MMS22L: variants seen among roughly 807,000 people sequenced by gnomAD.
The protein encoded by MMS22L is protein MMS22-like.
Under a neutral mutation model 159.1 loss-of-function variants are expected in MMS22L, and 74 were observed. The ratio of observed to expected loss-of-function variants is 0.47; its 90% CI spans 0.39 to 0.56. The LOEUF is 0.56. Among genes scored for constraint, MMS22L ranks in the 20% least tolerant of loss-of-function variants. The probability of loss-of-function intolerance (pLI) is 0.00; values close to 1 mark genes in which losing one functional copy is unlikely to be tolerated. For missense variants in MMS22L, 1,351 were observed against 1,422.1 expected (o/e 0.95, Z 0.80); for synonymous variants, 517 against 506.9 (o/e 1.02, Z -0.27).
intron 14 of MMS22L, among the ~76,000 whole-genome samples, chr6:97,224,741 T>C (rs1810040277): frequency 6.6e-6 from 1 of 151,974 alleles, no homozygotes. Flanking sequence ...TAATTTTTTT[T>C]TTTTTAATGT....
At chr6:97,215,190 AT>A (rs1345112442) in intron 14 of MMS22L, among the ~76,000 whole-genome samples, 3 of 150,268 alleles carry the variant, frequency 2.0e-5, no homozygotes, top group Admixed American at 6.7e-5. Flanking sequence ...AACAAGGAGG[AT>A]TTTTTCTTTA....
At chr6:97,149,307 A>G (rs1470505630) in intron 24 of MMS22L, among the ~76,000 whole-genome samples, 9 of 152,208 alleles carry the variant, frequency 5.9e-5, no homozygotes, top group Non-Finnish European at 1.3e-4. Context: ...ATATAGGCTT[A>G]TTCCCACAAT....
rs779883216 is a variant in MMS22L, at chr6:97,165,455, G to C, written c.3012C>G (p.Gly1004=). 1 of 1,610,944 alleles carries C rather than the reference G, an allele frequency of 6.2e-7. No individual in the cohort carries two copies. Among genetic ancestry groups the C allele is most frequent in the Admixed American group, 1.7e-5 (1 of 59,764 alleles). ...IQKSLPLYLQ[G]MCIVCCQSQN... ...GAGATTGACAACACACGATACACAT[G>C]CCCTACAAGGAAAAAAAGTAAGAAA... Residue 1004 remains glycine, a splice_region_variant and synonymous_variant, in exon 21 of 25, where the codon GGC becomes GGG. Transcript: ENST00000683635.
chr6:97,231,461 G>A lies in MMS22L; in HGVS notation c.1494C>T (p.Ser498=), dbSNP rs1582715566. 1 of 1,613,458 alleles carries A rather than the reference G, an allele frequency of 6.2e-7. No homozygotes were observed. The highest frequency in any genetic ancestry group is 1.3e-5 in the African/African-American group (1 of 74,910). The change falls in exon 13 of 25, where the codon AGC becomes AGT. Residue 498 remains serine, a synonymous_variant. Transcript: ENST00000683635. ...LAKVVKKAMK[S]NGPHPWKQVK... Reference sequence around the variant, plus strand: ...CTTGTTTCCAAGGATGAGGGCCATTGCTCTTCATTGCTTTTTTAACAACTT... The same window carrying A: ...CTTGTTTCCAAGGATGAGGGCCATTACTCTTCATTGCTTTTTTAACAACTT...
chr6:97,254,172 A>C lies in MMS22L; in HGVS notation c.1119+385T>G, dbSNP rs1234026261. 9 of 158,154 alleles carry C rather than the reference A, an allele frequency of 5.7e-5. No homozygotes were observed. In the South Asian group the frequency reaches 1.7e-3, roughly 29 times the overall value. The allele number at this position is 158,154 out of a possible 1,614,324, so 9.8% of individuals were successfully genotyped here. A position where few individuals can be genotyped will look rare whatever the true frequency, so the allele number is the denominator to read the frequency against. ...TATTAAATTATTCACAAAAATAAGT[A>C]ATTCATTCCTCGAGAAATTTCTTTG... On this transcript the variant is annotated intron_variant, in intron 10 of 24. Transcript: ENST00000683635.
chr6:97,252,330 A>T (rs1813324830), intron 10 of MMS22L, among the ~76,000 whole-genome samples: 1 of 152,056 alleles, frequency 6.6e-6, no homozygotes, highest in African/African-American at 2.4e-5. Context: ...TTGAAGCAAG[A>T]AGTAGTACAA....
chr6:97,156,859 A>C (rs542547562), intron 22 of MMS22L, among the ~76,000 whole-genome samples: 3 of 152,276 alleles, frequency 2.0e-5, no homozygotes, highest in African/African-American at 7.2e-5. Context: ...TTCTGTGAAG[A>C]AAGTCAGTGG....
intron 19 of MMS22L, among the ~76,000 whole-genome samples, chr6:97,170,462 GTT>G (rs11317728): frequency 6.7e-5 from 10 of 149,284 alleles, no homozygotes; most frequent in South Asian, 2.1e-4. Flanking sequence ...AAAAACCTAA[GTT>G]TTTTTTTTTC....
rs1300728979 is a variant in MMS22L at position 97,146,042 on chromosome 6, A to AT, written c.*763dup. 1.3e-5 allele frequency: 2 copies of AT among 151,984 alleles called. No individual in the cohort carries two copies. The highest frequency in any genetic ancestry group is 3.9e-4 in the East Asian group (2 of 5,192). The allele number at this position is 151,984 out of a possible 1,614,324, so 9.4% of individuals were successfully genotyped here. ...CCACTACTATTGTTACTTTTCTAGA[A>AT]TATTTTTATTTACTCTCCTCTTAAA... On this transcript the variant is annotated 3_prime_UTR_variant, in exon 25 of 25. Transcript: ENST00000683635.
chr6:97,225,729 C>G (rs986327884), intron 14 of MMS22L, among the ~76,000 whole-genome samples: 3 of 152,094 alleles, frequency 2.0e-5, no homozygotes, highest in Non-Finnish European at 2.9e-5. Flanking sequence ...CCCGCCACCA[C>G]GCCCGATTAA....
At chr6:97,270,376 G>A (rs879120682) in intron 6 of MMS22L, 8 of 426,824 alleles carry the variant, frequency 1.9e-5, no homozygotes, top group South Asian at 1.4e-4. Context: ...TGAGTACCCA[G>A]GAACTCCTAT....
In MMS22L at chr6:97,186,433, A is replaced by C; in HGVS notation, c.2233+64T>G. ...TACAAGAGTTTGTTACTAAGAAAAT[A>C]AAGGAAAATACTGACAAAGAGTCTG... On this transcript the variant is annotated intron_variant, in intron 15 of 24. Coordinates refer to ENST00000683635, the MANE Select transcript of MMS22L (RefSeq NM_001350599.2). 3 of 1,400,848 alleles carry C rather than the reference A, an allele frequency of 2.1e-6. 1 individual carries two copies. Among genetic ancestry groups the C allele is most frequent in the South Asian group, 2.7e-5 (2 of 73,638 alleles). The allele number at this position is 1,400,848 out of a possible 1,614,324, so 86.8% of individuals were successfully genotyped here. A position where few individuals can be genotyped will look rare whatever the true frequency, so the allele number is the denominator to read the frequency against.
rs1812675102 is a variant in MMS22L at position 97,246,646 on chromosome 6, T to C, written c.1164A>G (p.Lys388=). 6.2e-7 allele frequency: 1 copy of C among 1,611,762 alleles called. No individual in the cohort carries two copies. The highest frequency in any genetic ancestry group is 8.5e-7 in the Non-Finnish European group (1 of 1,178,898). Residue 388 remains lysine, a synonymous_variant, in exon 11 of 25, where the codon AAA becomes AAG. Transcript: ENST00000683635. ...TGCATACCTGAACACTGATGGACTTTTTCAGCAGTTCTTCTACAAAGTTCC... is the reference window on the plus strand; with the variant it reads ...TGCATACCTGAACACTGATGGACTTCTTCAGCAGTTCTTCTACAAAGTTCC... ...SNWNFVEELL[K]KSISVQGVIL... is the part of the protein sequence containing the mutation.
chr6:97,165,588 C>T (rs771273430), intron 20 of MMS22L, 131 bp from the exon 21 acceptor site: 4 of 744,698 alleles, frequency 5.4e-6, no homozygotes, highest in Non-Finnish European at 8.6e-6. Context: ...GGATACCTCA[C>T]GTAATCCACA....
At chr6:97,212,815 G>A (rs115247159) in intron 14 of MMS22L, among the ~76,000 whole-genome samples, 2,784 of 152,212 alleles carry the variant, frequency 0.018, 86 homozygotes, top group African/African-American at 0.064. Flanking sequence ...TGCTCGAATG[G>A]TTTTGACAAT....
At chr6:97,181,805 G>T in intron 16 of MMS22L, 99 bp downstream of exon 16, 1 of 1,274,382 alleles carries the variant, frequency 7.8e-7, no homozygotes, top group South Asian at 1.6e-5. Flanking sequence ...AGTATATGTA[G>T]TAGAGATCAG....
rs569085733 is a variant in MMS22L at position 97,231,103 on chromosome 6, T to C, written c.1529+323A>G. 15 of 210,754 alleles carry C rather than the reference T, an allele frequency of 7.1e-5. No homozygotes were observed. The South Asian group carries it at 1.5e-3, about 21-fold the overall frequency. The allele number at this position is 210,754 out of a possible 1,614,324, so 13.1% of individuals were successfully genotyped here. ...TTATCAGAAATGAAAACAGCATAGT[T>C]CCCAAATGAGAACATTAGTTATCTG... On this transcript the variant is annotated intron_variant, in intron 13 of 24. Coordinates refer to ENST00000683635, the MANE Select transcript of MMS22L (RefSeq NM_001350599.2).
At chr6:97,281,015 A>C (rs1334242219) in intron 3 of MMS22L, among the ~76,000 whole-genome samples, 2 of 152,212 alleles carry the variant, frequency 1.3e-5, no homozygotes, top group African/African-American at 4.8e-5. Context: ...TTGTCAATAC[A>C]TGTGTCAAAT....
chr6:97,159,702 A>C (rs1393024059), intron 22 of MMS22L, among the ~76,000 whole-genome samples: 1 of 151,986 alleles, frequency 6.6e-6, no homozygotes, highest in African/African-American at 2.4e-5. Flanking sequence ...ACCTGACTTC[A>C]TGTGACAAGT....
Sources: gnomAD v4.1 joint callset for allele counts (sites outside exome capture counted in the v4.1 genomes callset) on GRCh38, gnomAD v4.1.1 for gene constraint, MANE v1.5 for transcripts, NCBI Gene and HGNC (gene_info 2026-07-23, HGNC 2026-07-21) for gene names.